Variants in SPINK13 observed in about 807,000 individuals in gnomAD.
SPINK13 encodes serine peptidase inhibitor Kazal type 13, also known as serine protease inhibitor Kazal-type 13.
Under a neutral mutation model 11.0 loss-of-function variants are expected in SPINK13, and 11 were observed. That is an observed-to-expected ratio of 1.00 (90% CI 0.63 to 1.65). The LOEUF is 1.65. Ranked by LOEUF, SPINK13 falls within the 40% of genes most tolerant of loss-of-function variation. The pLI is 0.00. For missense variants in SPINK13, 113 were observed against 117.7 expected, an observed-to-expected ratio of 0.96 and a Z score of 0.19; for synonymous variants, 31 against 35.6, an observed-to-expected ratio of 0.87 and a Z score of 0.46.
At chr5:148,278,377 G>C (rs1448928015) in intron 3 of SPINK13, among the ~76,000 whole-genome samples, 1 of 152,150 alleles carries the variant, frequency 6.6e-6, no homozygotes, top group African/African-American at 2.4e-5. Context: ...GTCGATTTTA[G>C]ATCTTTCCCA....
At chr5:148,279,195 C>T (rs942202603) in intron 3 of SPINK13, among the ~76,000 whole-genome samples, 3 of 147,318 alleles carry the variant, frequency 2.0e-5, no homozygotes, top group African/African-American at 5.0e-5. Flanking sequence ...AGATGGGTCT[C>T]CTGGATACAG....
chr5:148,277,507 A>C lies in SPINK13; in HGVS notation c.108+3123A>C, dbSNP rs139485340. ...ATGAAGGGGTGTTGAATTTTATTGA[A>C]GGTCTTTTCTGCACCTATTGAGATA... On this transcript the variant is annotated intron_variant, in intron 3 of 4. Transcript: ENST00000398450. 4.1e-4 allele frequency among the ~76,000 whole-genome samples: 63 copies of C among 152,328 alleles called. No individual in the cohort carries two copies. In the East Asian group the frequency reaches 9.1e-3, roughly 22 times the overall value.
intron 3 of SPINK13, among the ~76,000 whole-genome samples, chr5:148,277,288 C>A (rs370861886): frequency 2.6e-5 from 4 of 152,148 alleles, no homozygotes; most frequent in East Asian, 1.9e-4. Context: ...TGCCTGAATA[C>A]CCTGGTCAGA....
intron 4 of SPINK13, among the ~76,000 whole-genome samples, chr5:148,282,609 G>C (rs1290173207): frequency 3.3e-5 from 5 of 152,052 alleles, no homozygotes; most frequent in Non-Finnish European, 1.5e-5. Context: ...ATCAGTGTTT[G>C]GTAGCTATTA....
chr5:148,279,988 T>C (rs1488368270), intron 3 of SPINK13, among the ~76,000 whole-genome samples: 2 of 152,192 alleles, frequency 1.3e-5, no homozygotes, highest in African/African-American at 2.4e-5. Context: ...TTCCTTTTCA[T>C]CCTTTTTTCT....
At chr5:148,277,717 G>A (rs1406693850) in intron 3 of SPINK13, among the ~76,000 whole-genome samples, 3 of 152,148 alleles carry the variant, frequency 2.0e-5, no homozygotes, top group African/African-American at 7.2e-5. Context: ...TGTTCACCAG[G>A]GATCTTGGTG....
chr5:148,273,989 C>G (rs1028248417), intron 2 of SPINK13, among the ~76,000 whole-genome samples: 3 of 152,164 alleles, frequency 2.0e-5, no homozygotes, highest in African/African-American at 7.2e-5. Context: ...ATCATATTTA[C>G]TTTTTTAAAT....
At chr5:148,282,383 A>G (rs987527713) in intron 4 of SPINK13, 152 bp downstream of exon 4, 36 of 935,018 alleles carry the variant, frequency 3.9e-5, no homozygotes, top group Non-Finnish European at 5.2e-5. Flanking sequence ...GACTACAGAG[A>G]GAGTGAAGAA....
rs115369531 is a variant in SPINK13, at chr5:148,275,004, T to C, written c.108+620T>C. Among the ~76,000 whole-genome samples the C allele has an allele frequency of 6.8e-3, 1,036 of 152,262 alleles. 14 individuals carry two copies. Among genetic ancestry groups the C allele is most frequent in the African/African-American group, 0.02 (811 of 41,556 alleles). On this transcript the variant is annotated intron_variant, in intron 3 of 4. Transcript: ENST00000398450. ...TAAATCCAGGGTTTATTCTCAGTTT[T>C]AATAAGTTTTGGGATACATGTGCAG...
At chr5:148,277,530 A>G (rs532986073) in intron 3 of SPINK13, among the ~76,000 whole-genome samples, 12 of 152,276 alleles carry the variant, frequency 7.9e-5, no homozygotes, top group African/African-American at 2.9e-4. Context: ...ACCTATTGAG[A>G]TAATCAAGTG....
intron 3 of SPINK13, among the ~76,000 whole-genome samples, chr5:148,278,523 A>T (rs886662462): frequency 6.6e-6 from 1 of 152,046 alleles, no homozygotes; most frequent in Non-Finnish European, 1.5e-5. Flanking sequence ...TAATTTTGTT[A>T]TTTACCCAGT....
intron 2 of SPINK13, chr5:148,270,717 A>G (rs1344281784): frequency 6.6e-6 from 1 of 152,378 alleles, no homozygotes; most frequent in African/African-American, 2.4e-5. Context: ...TGCAGATGTA[A>G]TTTAGTTAAG....
chr5:148,276,264 A>T (rs1053825463), intron 3 of SPINK13, among the ~76,000 whole-genome samples: 2 of 152,118 alleles, frequency 1.3e-5, no homozygotes, highest in Non-Finnish European at 2.9e-5. Context: ...CTCTGATGAT[A>T]GTTTATTTTG....
chr5:148,285,157 G>C (rs1013813718), intron 4 of SPINK13, among the ~76,000 whole-genome samples: 2 of 152,066 alleles, frequency 1.3e-5, no homozygotes, highest in African/African-American at 4.8e-5. Context: ...TGTTCAAATG[G>C]AGATCATGTG....
At chr5:148,281,165 C>T (rs1015273145) in intron 3 of SPINK13, among the ~76,000 whole-genome samples, 13 of 152,300 alleles carry the variant, frequency 8.5e-5, no homozygotes, top group African/African-American at 3.1e-4. Flanking sequence ...GGTCGACCTC[C>T]GACTGCTGTG....
chr5:148,271,510 A>G (rs1022453378), intron 2 of SPINK13, among the ~76,000 whole-genome samples: 2 of 152,070 alleles, frequency 1.3e-5, no homozygotes, highest in African/African-American at 4.8e-5. Context: ...AGTCATTCTA[A>G]ATCTTGTGTC....
intron 3 of SPINK13, among the ~76,000 whole-genome samples, chr5:148,280,246 A>AGAAGCTTGTTATTACCCACCTTC (rs1756492669): frequency 6.6e-6 from 1 of 152,094 alleles, no homozygotes; most frequent in East Asian, 1.9e-4. Flanking sequence ...TTTGGCTCAG[A>AGAAGCTTGTTATTACCCACCTTC]GAAGCTTGTT....
intron 3 of SPINK13, among the ~76,000 whole-genome samples, chr5:148,275,471 A>G (rs1027641355): frequency 6.6e-6 from 1 of 152,116 alleles, no homozygotes; most frequent in African/African-American, 2.4e-5. Context: ...TTATAATAGA[A>G]TGATTTATAA....
chr5:148,281,846 A>G (rs1020197459), intron 3 of SPINK13, among the ~76,000 whole-genome samples: 1 of 152,212 alleles, frequency 6.6e-6, no homozygotes, highest in Non-Finnish European at 1.5e-5. Flanking sequence ...ACTCATAAAC[A>G]TCCTACTGGA....
Sources: allele counts gnomAD v4.1 joint callset (sites outside exome capture counted in the v4.1 genomes callset), GRCh38; gene constraint gnomAD v4.1.1; transcripts MANE v1.5; gene names NCBI Gene and HGNC (gene_info 2026-07-23, HGNC 2026-07-21).